The following DCAF8L2 variants were observed in gnomAD, a reference collection of about 807,000 sequenced individuals.
The protein encoded by DCAF8L2 is DDB1 and CUL4 associated factor 8 like 2.
For synonymous variants in DCAF8L2, 200 were observed against 190.9 expected (o/e 1.05, Z -0.39); for missense variants, 430 against 490.7 (o/e 0.88, Z 1.17).
the DCAF8L2 span, among the ~76,000 whole-genome samples, chrX:27,504,874 A>G: frequency 2.7e-5 from 3 of 110,505 alleles, no homozygotes; most frequent in Admixed American, 9.7e-5. Flanking sequence ...TGAACTGTCA[A>G]CTCCCCAAAT....
intron 4 of DCAF8L2, among the ~76,000 whole-genome samples, chrX:27,742,599 A>C (rs1185093752): frequency 9.1e-6 from 1 of 109,370 alleles, no homozygotes; most frequent in Non-Finnish European, 1.9e-5. Context: ...AAACAAACAA[A>C]AAAAAAAAAC....
At position 27,748,206 on chromosome X, in the gene DCAF8L2, G is replaced by C. The variant is rs757488857; in HGVS notation, c.1311G>C (p.Leu437=). The change falls in exon 5 of 5, where the codon CTG becomes CTC. Residue 437 remains leucine, a synonymous_variant. Transcript: ENST00000451261. ...TGTACAGCCACGATGGCACAGAGCTGCTAGCCAGCTACAATGATGACGATA... is the reference window on the plus strand; with the variant it reads ...TGTACAGCCACGATGGCACAGAGCTCCTAGCCAGCTACAATGATGACGATA... The part of the protein sequence containing the change: ...CVVYSHDGTE[L]LASYNDDDIY... 20 of 1,210,473 alleles carry C rather than the reference G, an allele frequency of 1.7e-5. No individual in the cohort carries two copies. The East Asian group carries it at 2.4e-4, about 14-fold the overall frequency.
intron 2 of DCAF8L2, among the ~76,000 whole-genome samples, chrX:27,665,320 A>G (rs1305454455): frequency 1.8e-5 from 2 of 111,694 alleles, no homozygotes; most frequent in Non-Finnish European, 3.8e-5. Context: ...TGGTGAAAAT[A>G]GAAAGAACAA....
chrX:27,719,889 A>T, intron 4 of DCAF8L2, among the ~76,000 whole-genome samples: 1 of 111,690 alleles, frequency 9.0e-6, no homozygotes, highest in Admixed American at 9.5e-5. Context: ...TGTCTGTAAA[A>T]GAACAAAAGT....
chrX:27,651,863 C>T (rs1929167502), intron 2 of DCAF8L2, among the ~76,000 whole-genome samples: 1 of 110,139 alleles, frequency 9.1e-6, no homozygotes, highest in Admixed American at 9.8e-5. Flanking sequence ...TGCTCATTTC[C>T]TTTTTTTCAT....
chrX:27,594,588 G>A (rs898202703), intron 1 of DCAF8L2, among the ~76,000 whole-genome samples: 1 of 111,338 alleles, frequency 9.0e-6, no homozygotes, highest in South Asian at 3.7e-4. Flanking sequence ...AAATGTATAC[G>A]TTAACTCTTT....
the DCAF8L2 span, among the ~76,000 whole-genome samples, chrX:27,581,731 G>A: frequency 9.1e-6 from 1 of 109,862 alleles, no homozygotes; most frequent in African/African-American, 3.3e-5. Context: ...TACAGGCACC[G>A]GCCACCATGC....
chrX:27,612,504 T>A (rs1428973236), intron 1 of DCAF8L2, among the ~76,000 whole-genome samples: 1 of 112,009 alleles, frequency 8.9e-6, no homozygotes, highest in Non-Finnish European at 1.9e-5. Flanking sequence ...TGTGTTTTAG[T>A]CATGAAGTCC....
At chrX:27,651,082 T>C (rs77047503) in intron 2 of DCAF8L2, among the ~76,000 whole-genome samples, 5 of 112,425 alleles carry the variant, frequency 4.4e-5, no homozygotes, top group African/African-American at 1.6e-4. Flanking sequence ...ATCCTGTGTA[T>C]GTGGTAAATT....
intron 2 of DCAF8L2, among the ~76,000 whole-genome samples, chrX:27,639,808 A>G (rs1255968251): frequency 8.9e-6 from 1 of 112,173 alleles, no homozygotes; most frequent in African/African-American, 3.2e-5. Context: ...CATTTTTCAT[A>G]GAACTTTTCT....
At chrX:27,647,512 A>G (rs1217629646) in intron 2 of DCAF8L2, among the ~76,000 whole-genome samples, 1 of 111,737 alleles carries the variant, frequency 8.9e-6, no homozygotes, top group Non-Finnish European at 1.9e-5. Flanking sequence ...CATGGCACAC[A>G]TTTACCTATG....
chrX:27,636,184 T>C (rs1265603494), intron 2 of DCAF8L2, among the ~76,000 whole-genome samples: 1 of 111,764 alleles, frequency 8.9e-6, no homozygotes, highest in African/African-American at 3.3e-5. Context: ...AAGAGCTATG[T>C]TGCATGAAAA....
chrX:27,472,469 T>C, the DCAF8L2 span, among the ~76,000 whole-genome samples: 1 of 111,720 alleles, frequency 9.0e-6, no homozygotes, highest in African/African-American at 3.3e-5. Context: ...CATGGTGGTT[T>C]GCTGCACCTA....
rs370465421 is a variant in DCAF8L2 at position 27,733,211 on chromosome X, G to A, written c.-58-13627G>A. ...AACACTTGTTATCTCTTGTCTTTTT[G>A]ATAATATCCATCCTAACAGGTGTGA... On this transcript the variant is annotated intron_variant, in intron 4 of 4. Coordinates refer to ENST00000451261, the MANE Select transcript of DCAF8L2 (RefSeq NM_001353450.2). Among the ~76,000 whole-genome samples the A allele has an allele frequency of 3.6e-5, 4 of 111,274 alleles. No homozygotes were observed. The East Asian group carries it at 8.5e-4, about 24-fold the overall frequency.
the DCAF8L2 span, among the ~76,000 whole-genome samples, chrX:27,472,178 C>T: frequency 9.0e-6 from 1 of 111,214 alleles, no homozygotes; most frequent in Non-Finnish European, 1.9e-5. Flanking sequence ...GTACAGAAGT[C>T]ACATTTTATG....
intron 1 of DCAF8L2, among the ~76,000 whole-genome samples, chrX:27,627,039 G>T (rs1411471252): frequency 2.0e-4 from 21 of 105,229 alleles, no homozygotes; most frequent in African/African-American, 7.0e-4. Flanking sequence ...AATTCTAGGT[G>T]GTGGAAAAAA....
At chrX:27,569,357 T>A in the DCAF8L2 span, among the ~76,000 whole-genome samples, 1 of 112,144 alleles carries the variant, frequency 8.9e-6, no homozygotes, top group Non-Finnish European at 1.9e-5. Context: ...CAAACATCAA[T>A]TTGACCTAAC....
intron 4 of DCAF8L2, among the ~76,000 whole-genome samples, chrX:27,732,062 T>A (rs1468203412): frequency 9.0e-6 from 1 of 111,389 alleles, no homozygotes; most frequent in Non-Finnish European, 1.9e-5. Flanking sequence ...TTGATCTACA[T>A]ACACATAGTG....
the DCAF8L2 span, among the ~76,000 whole-genome samples, chrX:27,565,390 T>C: frequency 0.016 from 1,762 of 111,651 alleles, 18 homozygotes; most frequent in Non-Finnish European, 0.026. Context: ...CCATCCTACA[T>C]GTCAGAGATA....
Sources: gnomAD v4.1 joint callset for allele counts (sites outside exome capture counted in the v4.1 genomes callset) on GRCh38, gnomAD v4.1.1 for gene constraint, MANE v1.5 for transcripts, NCBI Gene and HGNC (gene_info 2026-07-23, HGNC 2026-07-21) for gene names.